BLOC1S3: variants seen among roughly 807,000 people sequenced by gnomAD.
BLOC1S3 encodes biogenesis of lysosomal organelles complex 1 subunit 3.
A neutral mutation model predicts 9.1 loss-of-function variants in BLOC1S3; 7 were observed. That is an observed-to-expected ratio of 0.77 (90% CI 0.44 to 1.45). The LOEUF (loss-of-function observed/expected upper bound fraction) is 1.45. BLOC1S3 is among the 40% of genes most tolerant of loss of function. The pLI, the probability that BLOC1S3 is intolerant of heterozygous loss-of-function variation, is 0.01. For missense variants in BLOC1S3, 307 were observed against 315.2 expected (o/e 0.97, Z 0.20); for synonymous variants, 145 against 158.4 (o/e 0.92, Z 0.64).
At chr19:45,186,580 C>A (rs1969567361), downstream of BLOC1S3, among the ~76,000 whole-genome samples, 1 of 152,206 alleles carries the variant, frequency 6.6e-6, no homozygotes, top group Non-Finnish European at 1.5e-5. Context: ...TGGCACGCAC[C>A]TGTAATCCCA....
chr19:45,184,763 G>A (rs994070410), downstream of BLOC1S3, among the ~76,000 whole-genome samples: 1 of 151,954 alleles, frequency 6.6e-6, no homozygotes, highest in East Asian at 1.9e-4. Context: ...AGCTGGGCAC[G>A]GTGGCGGGCA....
chr19:45,196,770 G>T (rs61444255), intron 2 of BLOC1S3, among the ~76,000 whole-genome samples: 9,552 of 151,898 alleles, frequency 0.063, 1,021 homozygotes, highest in African/African-American at 0.22. Flanking sequence ...GCATGGTGGC[G>T]GGTGCCTGTA....
intron 2 of BLOC1S3, among the ~76,000 whole-genome samples, chr19:45,198,548 C>T (rs764144221): frequency 5.5e-4 from 84 of 152,262 alleles, no homozygotes; most frequent in Non-Finnish European, 1.1e-3. Context: ...CCTGTCTCAG[C>T]CTCCCAAAGT....
chr19:45,179,632 G>C lies in BLOC1S3; in HGVS notation c.336G>C (p.Arg112=). Residue 112 remains arginine (R), a synonymous_variant, in exon 2 of 2, where the codon CGG becomes CGC. Transcript: ENST00000433642. This position sits in a 1 kb window ranked among gnomAD's most constrained non-coding sequence, Gnocchi z 4.6. ...CCGCGCGCTCGCTCCTGCAACTTCG[G>C]CTGGCGGAGAGCCAGGCGCGGCTGG... ...PAPARSLLQL[R]LAESQARLDH... 6.8e-7 allele frequency: 1 copy of C among 1,473,532 alleles called. No homozygotes were observed. Among genetic ancestry groups the C allele is most frequent in the East Asian group, 2.9e-5 (1 of 34,360 alleles). 91.3% of individuals were successfully genotyped at this position (1,473,532 alleles called of 1,614,324 possible).
At chr19:45,186,783 G>A (rs530998154), downstream of BLOC1S3, among the ~76,000 whole-genome samples, 1 of 152,308 alleles carries the variant, frequency 6.6e-6, no homozygotes, top group African/African-American at 2.4e-5. Context: ...AGTCTTTACT[G>A]GGACATTGGA....
downstream of BLOC1S3, among the ~76,000 whole-genome samples, chr19:45,186,700 G>A (rs558883303): frequency 3.3e-5 from 5 of 152,178 alleles, no homozygotes; most frequent in Admixed American, 2.0e-4. Context: ...GTGAGACTCC[G>A]TCTCAACAAC....
intron 3 of BLOC1S3, among the ~76,000 whole-genome samples, chr19:45,211,906 C>T (rs544277619): frequency 2.6e-5 from 4 of 152,128 alleles, no homozygotes; most frequent in African/African-American, 9.6e-5. Context: ...AGGGAGGTGA[C>T]CTCAAGGTCT....
In BLOC1S3 at chr19:45,179,952, G is replaced by A. The variant is rs776477608; in HGVS notation, c.*47G>A. On this transcript the variant is annotated 3_prime_UTR_variant, in exon 2 of 2. Transcript: ENST00000433642. This position sits in a 1 kb window ranked among gnomAD's most constrained non-coding sequence, Gnocchi z 4.6. Reference sequence around the variant, plus strand: ...TGACTGCAATTTGGGGGTAGGCCTTGCTGCCTCTGGGACCTGACTCTGTCT... The same window carrying A: ...TGACTGCAATTTGGGGGTAGGCCTTACTGCCTCTGGGACCTGACTCTGTCT... 4 of 1,584,846 alleles carry A rather than the reference G, an allele frequency of 2.5e-6. No homozygotes were observed. The Admixed American group carries it at 5.2e-5, about 21-fold the overall frequency.
At chr19:45,205,342 T>G (rs546157845) in intron 3 of BLOC1S3, among the ~76,000 whole-genome samples, 25 of 152,240 alleles carry the variant, frequency 1.6e-4, no homozygotes, top group Non-Finnish European at 3.2e-4. Context: ...ATTTTTTGTA[T>G]TTTTAGTAGA....
chr19:45,215,977 C>A, intron 3 of BLOC1S3: 1 of 1,535,620 alleles, frequency 6.5e-7, no homozygotes. Context: ...CACCGGCTCC[C>A]TCCCTCAGGA....
intron 3 of BLOC1S3, among the ~76,000 whole-genome samples, chr19:45,216,408 A>G (rs1027350337): frequency 6.6e-6 from 1 of 151,910 alleles, no homozygotes; most frequent in Non-Finnish European, 1.5e-5. Flanking sequence ...GTGAAACCCC[A>G]TCTCTACTAA....
intron 3 of BLOC1S3, among the ~76,000 whole-genome samples, chr19:45,204,599 C>T (rs1212903755): frequency 1.3e-5 from 2 of 152,200 alleles, no homozygotes; most frequent in Non-Finnish European, 2.9e-5. Context: ...AAGATGGCGT[C>T]TTACATGTCT....
chr19:45,197,824 CAAAAAAAAAAAAAAA>C (rs55654938), intron 2 of BLOC1S3, among the ~76,000 whole-genome samples: 1 of 63,588 alleles, frequency 1.6e-5, no homozygotes, highest in African/African-American at 6.7e-5. Flanking sequence ...GACTCCGTCT[CAAAAAAAAAAAAAAA>C]AAAAAAAAAA....
chr19:45,181,995 G>A (rs1305483969), downstream of BLOC1S3, among the ~76,000 whole-genome samples: 2 of 152,046 alleles, frequency 1.3e-5, no homozygotes, highest in Non-Finnish European at 2.9e-5. Context: ...ACACGTTTTG[G>A]GTACCTGACC....
intron 3 of BLOC1S3, among the ~76,000 whole-genome samples, chr19:45,210,482 A>G (rs56347672): frequency 0.075 from 11,327 of 151,342 alleles, 509 homozygotes; most frequent in South Asian, 0.14. Flanking sequence ...AATTTTTAGT[A>G]GAGATGTGGT....
rs1212436252 is a variant in BLOC1S3, at chr19:45,197,146, CCA to C, written n.181-5258_181-5257del. The stretch of plus-strand genomic sequence containing the variant: ...ATGGCTGCAGTGAGCTATGATCGTG[CCA>C]CTGCACTCCAGCCTGGGTGACACAG... On this transcript the variant is annotated intron_variant and non_coding_transcript_variant, in intron 2 of 3. Transcript: ENST00000591569. Among the ~76,000 whole-genome samples, 3 of 152,080 alleles carry C rather than the reference CCA, an allele frequency of 2.0e-5. No individual in the cohort carries two copies. The East Asian group carries it at 5.8e-4, about 29-fold the overall frequency.
At chr19:45,206,449 A>AGTTTTTTTTTTTTTTTT (rs1969726281) in intron 3 of BLOC1S3, among the ~76,000 whole-genome samples, 1 of 48,624 alleles carries the variant, frequency 2.1e-5, no homozygotes, top group Non-Finnish European at 3.8e-5. Context: ...GGATTAATCA[A>AGTTTTTTTTTTTTTTTT]GTTTTTTTTT....
chr19:45,197,307 C>T (rs910707102), intron 2 of BLOC1S3, among the ~76,000 whole-genome samples: 3 of 150,546 alleles, frequency 2.0e-5, no homozygotes, highest in Admixed American at 2.0e-4. Flanking sequence ...GGCAACATGG[C>T]GAAACCCTGT....
intron 3 of BLOC1S3, among the ~76,000 whole-genome samples, chr19:45,214,685 G>C (rs187458474): frequency 1.3e-5 from 2 of 151,568 alleles, no homozygotes; most frequent in Non-Finnish European, 2.9e-5. Flanking sequence ...GGCTGGTCTC[G>C]AACTCCTGAC....
Sources: gnomAD v4.1 joint callset for allele counts (sites outside exome capture counted in the v4.1 genomes callset) on GRCh38, gnomAD v4.1.1 for gene constraint, Gnocchi (gnomAD v3.1) non-coding constraint, MANE v1.5 for transcripts, NCBI Gene and HGNC (gene_info 2026-07-23, HGNC 2026-07-21) for gene names.